Variants in RAD54L2 observed in about 807,000 individuals in gnomAD.
RAD54L2 encodes the protein RAD54 like 2.
A neutral mutation model predicts 138.4 loss-of-function variants in RAD54L2; 27 were observed. That is an observed-to-expected ratio of 0.20 (90% CI 0.14 to 0.27). The LOEUF (loss-of-function observed/expected upper bound fraction) is 0.27. Ranked by LOEUF, RAD54L2 falls within the 10% of genes least tolerant of loss-of-function variation. The pLI is 1.00. For synonymous variants in RAD54L2, 644 were observed against 723.2 expected (o/e 0.89, Z 1.76); for missense variants, 1,396 against 1,890.2 (o/e 0.74, Z 4.85).
Position 51,570,496 on chromosome 3 carries a change from G to C in RAD54L2, c.-54-19871G>C, listed in dbSNP as rs982257846. Among the ~76,000 whole-genome samples the C allele has an allele frequency of 8.4e-5, 12 of 143,354 alleles. No homozygotes were observed. In the South Asian group the frequency reaches 2.7e-3, roughly 32 times the overall value. 94.0% of individuals were successfully genotyped at this position (143,354 alleles called of 152,430 possible). A position where few individuals can be genotyped will look rare whatever the true frequency, so the allele number is the denominator to read the frequency against. On this transcript the variant is annotated intron_variant, in intron 2 of 22. Transcript: ENST00000684192. ...TATTTTGAGACAGAGTCTCACACTC[G>C]CCCAGGCTGAAGTGCAGTGGCGCGA... is the stretch of plus-strand genomic sequence containing the variant.
intron 10 of RAD54L2, 90 bp downstream of exon 10, chr3:51,635,879 C>A: frequency 7.7e-7 from 1 of 1,304,966 alleles, no homozygotes; most frequent in Non-Finnish European, 1.0e-6. Context: ...ATGTAAAGTG[C>A]ATTATTGATG....
In RAD54L2 at chr3:51,644,450, AAAAC is replaced by A. The variant is rs563681343; in HGVS notation, c.2450+488_2450+491del. Reference sequence around the variant, plus strand: ...ACAGAGTGAGACCCTGTCTCATTTAAAAACAAACAAACAAATGAACAACAACAAC... The same window carrying A: ...ACAGAGTGAGACCCTGTCTCATTTAAAAACAAACAAATGAACAACAACAAC... On this transcript the variant is annotated intron_variant, in intron 16 of 22. Coordinates refer to ENST00000684192, the MANE Select transcript of RAD54L2 (RefSeq NM_015106.4). Among the ~76,000 whole-genome samples the A allele has an allele frequency of 2.9e-4, 44 of 152,292 alleles. No individual in the cohort carries two copies. The South Asian group carries it at 6.6e-3, about 23-fold the overall frequency.
chr3:51,630,969 T>C (rs1449958498), intron 7 of RAD54L2, 38 bp downstream of exon 7: 1 of 1,558,058 alleles, frequency 6.4e-7, no homozygotes, highest in East Asian at 2.2e-5. Flanking sequence ...TTTTCCTTTT[T>C]GTTTCCTTGT....
chr3:51,586,841 T>A (rs1182915070), intron 2 of RAD54L2, among the ~76,000 whole-genome samples: 1 of 152,098 alleles, frequency 6.6e-6, no homozygotes, highest in African/African-American at 2.4e-5. Context: ...AGTGCTGGGA[T>A]TACAGATGTG....
intron 2 of RAD54L2, among the ~76,000 whole-genome samples, chr3:51,566,565 G>A (rs978803129): frequency 2.2e-5 from 3 of 137,024 alleles, no homozygotes; most frequent in Non-Finnish European, 4.5e-5. Flanking sequence ...CTGCAGCCTC[G>A]AACTCCCAGG....
At chr3:51,644,608 T>C in intron 16 of RAD54L2, among the ~76,000 whole-genome samples, 1 of 152,226 alleles carries the variant, frequency 6.6e-6, no homozygotes, top group African/African-American at 2.4e-5. Context: ...TGGTATTGTC[T>C]CATGCCAAGC....
At chr3:51,589,683 TAC>T (rs34544597) in intron 2 of RAD54L2, among the ~76,000 whole-genome samples, 290 of 144,848 alleles carry the variant, frequency 2.0e-3, no homozygotes, top group African/African-American at 5.3e-3. Context: ...TATATATATA[TAC>T]ACACACACAC....
rs561455577 is a variant in RAD54L2, at chr3:51,583,498, C to A, written c.-54-6869C>A. On this transcript the variant is annotated intron_variant, in intron 2 of 22. Coordinates refer to ENST00000684192, the MANE Select transcript of RAD54L2 (RefSeq NM_015106.4). Reference sequence around the variant, plus strand: ...GCAATGGCCTGATCTTGGCTCACCACAACCTCCACCTCCCGGGTTCAAGCA... The same window carrying A: ...GCAATGGCCTGATCTTGGCTCACCAAAACCTCCACCTCCCGGGTTCAAGCA... Among the ~76,000 whole-genome samples the A allele has an allele frequency of 2.0e-3, 299 of 151,512 alleles. 3 individuals are homozygous for A. The highest frequency in any genetic ancestry group is 6.6e-3 in the African/African-American group (273 of 41,348).
At chr3:51,613,950 G>A (rs1196989476) in intron 3 of RAD54L2, among the ~76,000 whole-genome samples, 2 of 152,152 alleles carry the variant, frequency 1.3e-5, no homozygotes, top group Non-Finnish European at 2.9e-5. Context: ...TACTGGAATC[G>A]AGTGGATAGA....
rs1368854270 is a variant in RAD54L2 at position 51,662,244 on chromosome 3, A to G, written c.3410-182A>G. Among the ~76,000 whole-genome samples the G allele has an allele frequency of 6.6e-6, 1 of 152,076 alleles. No individual in the cohort carries two copies. The highest frequency in any genetic ancestry group is 2.4e-5 in the African/African-American group (1 of 41,400). On this transcript the variant is annotated intron_variant, in intron 22 of 22. Coordinates refer to ENST00000684192, the MANE Select transcript of RAD54L2 (RefSeq NM_015106.4). This position sits in a 1 kb window ranked among gnomAD's most constrained non-coding sequence, Gnocchi z 4.6. ...TACATGCCTTGTCATAGATAGACCT[A>G]TTTCTGGGATCAAAGAATTTCTTTG... is the stretch of plus-strand genomic sequence containing the variant.
intron 2 of RAD54L2, among the ~76,000 whole-genome samples, chr3:51,588,113 G>A (rs1388095838): frequency 6.7e-6 from 1 of 148,256 alleles, no homozygotes; most frequent in East Asian, 2.0e-4. Context: ...ATGAACTCAG[G>A]AGGTGGAGCT....
At chr3:51,573,061 G>T (rs190892331) in intron 2 of RAD54L2, among the ~76,000 whole-genome samples, 144 of 152,206 alleles carry the variant, frequency 9.5e-4, no homozygotes, top group Non-Finnish European at 1.6e-3. Flanking sequence ...GAATAACTTT[G>T]TCCATAAAGT....
chr3:51,630,957 CCTT>C lies in RAD54L2; in HGVS notation c.825+27_825+29del, dbSNP rs774593424. The C allele has an allele frequency of 1.6e-5, 25 of 1,574,682 alleles. 1 individual carries two copies. In the East Asian group the frequency reaches 5.4e-4, roughly 34 times the overall value. ...GTACAGCAAACCTTGACTGTTTTCT[CCTT>C]TTCCTTTTTGTTTCCTTGTTGTGAA... On this transcript the variant is annotated intron_variant, in intron 7 of 22. Transcript: ENST00000684192.
rs759974037 is a variant in RAD54L2, at chr3:51,655,218, TC to T, written c.3027-748del. On this transcript the variant is annotated intron_variant, in intron 19 of 22. Coordinates refer to ENST00000684192, the MANE Select transcript of RAD54L2 (RefSeq NM_015106.4). ...TAACAGTCTTAAGGGTTTTTTTTTTTCCCCCTCCAGGCCCAAAGACGAAAGA... is the reference window on the plus strand; with the variant it reads ...TAACAGTCTTAAGGGTTTTTTTTTTTCCCCTCCAGGCCCAAAGACGAAAGA... Among the ~76,000 whole-genome samples, 10 of 149,722 alleles carry T rather than the reference TC, an allele frequency of 6.7e-5. No homozygotes were observed. The East Asian group carries it at 1.5e-3, about 23-fold the overall frequency.
At chr3:51,573,408 C>G (rs72951478) in intron 2 of RAD54L2, among the ~76,000 whole-genome samples, 3,265 of 152,026 alleles carry the variant, frequency 0.021, 124 homozygotes, top group African/African-American at 0.074. Flanking sequence ...TATTAACTAA[C>G]TACAGAGAAT....
chr3:51,546,938 A>G (rs1330809648), intron 2 of RAD54L2, among the ~76,000 whole-genome samples: 4 of 152,104 alleles, frequency 2.6e-5, no homozygotes, highest in African/African-American at 9.7e-5. Context: ...CTGAGGCAGG[A>G]GAATCGCTTG....
At chr3:51,575,403 C>G (rs547585198) in intron 2 of RAD54L2, among the ~76,000 whole-genome samples, 23 of 151,750 alleles carry the variant, frequency 1.5e-4, no homozygotes, top group Non-Finnish European at 2.7e-4. Context: ...TTGGTAGCTT[C>G]ATGGGGATGG....
chr3:51,610,405 A>C (rs1033694487), intron 3 of RAD54L2, among the ~76,000 whole-genome samples: 1 of 151,968 alleles, frequency 6.6e-6, no homozygotes, highest in African/African-American at 2.4e-5. Flanking sequence ...GGAGTTTGAG[A>C]CCAGCCTGGC....
chr3:51,548,827 T>C (rs1184837295), intron 2 of RAD54L2, among the ~76,000 whole-genome samples: 3 of 146,394 alleles, frequency 2.0e-5, no homozygotes, highest in Non-Finnish European at 4.5e-5. Flanking sequence ...TCTGCTTTTT[T>C]TTTTTTTTTT....
Sources: gnomAD v4.1 joint callset for allele counts (sites outside exome capture counted in the v4.1 genomes callset) on GRCh38, gnomAD v4.1.1 for gene constraint, Gnocchi (gnomAD v3.1) non-coding constraint, MANE v1.5 for transcripts, NCBI Gene and HGNC (gene_info 2026-07-23, HGNC 2026-07-21) for gene names.